COL4A3: variants seen among roughly 807,000 people sequenced by gnomAD.
COL4A3 encodes the protein collagen type IV alpha 3 chain, also known as collagen alpha-3(IV) chain.
COL4A3 carries 135 observed loss-of-function variants against 217.4 expected under a neutral mutation model. The observed-to-expected ratio is 0.62, with a 90% CI of 0.54 to 0.72. The LOEUF is 0.72. COL4A3 is among the 30% of genes least tolerant of loss of function. COL4A3 has a pLI of 0.00. For missense variants in COL4A3, 1,868 were observed against 2,119.9 expected (o/e 0.88, Z 2.33); for synonymous variants, 690 against 736.3 (o/e 0.94, Z 1.02).
chr2:227,237,064 A>G (rs1055232174), intron 1 of COL4A3, among the ~76,000 whole-genome samples: 3 of 152,202 alleles, frequency 2.0e-5, no homozygotes, highest in Non-Finnish European at 4.4e-5. Flanking sequence ...TGGAATGTGC[A>G]TAGGTGTGAG....
intron 33 of COL4A3, 122 bp downstream of exon 33, chr2:227,283,978 T>G (rs1190034898): frequency 4.8e-6 from 5 of 1,039,046 alleles, no homozygotes; most frequent in Non-Finnish European, 7.3e-6. Flanking sequence ...CAGTATTTGA[T>G]TTTGCTGTTT....
chr2:227,231,475 G>T (rs2068402050), intron 1 of COL4A3, among the ~76,000 whole-genome samples: 1 of 152,174 alleles, frequency 6.6e-6, no homozygotes, highest in Admixed American at 6.5e-5. Context: ...GGAGAATGGG[G>T]CATCCATCCC....
intron 1 of COL4A3, among the ~76,000 whole-genome samples, chr2:227,229,082 C>G (rs2068249626): frequency 6.6e-6 from 1 of 152,184 alleles, no homozygotes; most frequent in African/African-American, 2.4e-5. Flanking sequence ...GGAAGTACGT[C>G]TCTGGAACTG....
chr2:227,192,576 T>C (rs1431535559), intron 1 of COL4A3, among the ~76,000 whole-genome samples: 1 of 152,230 alleles, frequency 6.6e-6, no homozygotes, highest in East Asian at 1.9e-4. Flanking sequence ...ATGGTGGTTG[T>C]ATGGAGATCA....
chr2:227,203,064 CATATATGTGT>C (rs1205818146), intron 1 of COL4A3, among the ~76,000 whole-genome samples: 5 of 8,438 alleles, frequency 5.9e-4, no homozygotes, highest in Admixed American at 1.3e-3. Flanking sequence ...TGTATATATA[CATATATGTGT>C]ATATATGTGT....
intron 50 of COL4A3, 64 bp from the exon 51 acceptor site, chr2:227,310,712 A>T: frequency 7.2e-7 from 1 of 1,379,644 alleles, no homozygotes; most frequent in Non-Finnish European, 1.0e-6. Context: ...AAAAAAAAGT[A>T]GAGAATTGAA....
chr2:227,165,032 G>C (rs2065179526), intron 1 of COL4A3, among the ~76,000 whole-genome samples: 1 of 152,194 alleles, frequency 6.6e-6, no homozygotes, highest in African/African-American at 2.4e-5. Context: ...TGGGGGAAGA[G>C]GCGAGGAGGG....
intron 34 of COL4A3, among the ~76,000 whole-genome samples, chr2:227,287,669 T>C (rs543987605): frequency 3.2e-4 from 48 of 152,364 alleles, no homozygotes; most frequent in African/African-American, 1.2e-3. Flanking sequence ...TTTTACTCTC[T>C]GGGAATCCTG....
chr2:227,300,086 G>C (rs72980000), intron 43 of COL4A3, among the ~76,000 whole-genome samples: 2,389 of 152,144 alleles, frequency 0.016, 28 homozygotes, highest in Non-Finnish European at 0.023. Context: ...TATCAGCCTT[G>C]CCTCTATACT....
intron 1 of COL4A3, among the ~76,000 whole-genome samples, chr2:227,184,153 C>T (rs540260665): frequency 6.6e-6 from 1 of 152,300 alleles, no homozygotes; most frequent in African/African-American, 2.4e-5. Context: ...CCTTCTGCCT[C>T]AGCCAAGAAG....
At chr2:227,292,404 C>G (rs2072796378) in intron 37 of COL4A3, among the ~76,000 whole-genome samples, 1 of 152,180 alleles carries the variant, frequency 6.6e-6, no homozygotes, top group Admixed American at 6.5e-5. Flanking sequence ...TTTGACTTCA[C>G]ACTCAATTAA....
At chr2:227,274,398 T>A (rs2071432093) in intron 26 of COL4A3, among the ~76,000 whole-genome samples, 1 of 152,090 alleles carries the variant, frequency 6.6e-6, no homozygotes, top group Non-Finnish European at 1.5e-5. Context: ...GTATGCATCA[T>A]TTCTGTCCAC....
chr2:227,248,547 T>G (rs1250287450), intron 9 of COL4A3, 27 bp downstream of exon 9: 1 of 1,510,040 alleles, frequency 6.6e-7, no homozygotes, highest in Non-Finnish European at 9.2e-7. Flanking sequence ...AAGGTCCCTA[T>G]TATTCTCAGT....
chr2:227,208,102 T>C (rs902156894), intron 1 of COL4A3, among the ~76,000 whole-genome samples: 2 of 150,240 alleles, frequency 1.3e-5, no homozygotes, highest in Non-Finnish European at 3.0e-5. Context: ...TAACCAACTC[T>C]ATTTTGCTTC....
At position 227,255,874 on chromosome 2, in the gene COL4A3, T is replaced by C. The variant is rs542340725; in HGVS notation, c.889-152T>C. 1.3e-4 allele frequency: 91 copies of C among 726,874 alleles called. 1 individual carries two copies. In the South Asian group the frequency reaches 1.3e-3, roughly 11 times the overall value. The allele number at this position is 726,874 out of a possible 1,614,324, so 45.0% of individuals were successfully genotyped here. A position where few individuals can be genotyped will look rare whatever the true frequency, so the allele number is the denominator to read the frequency against. On this transcript the variant is annotated intron_variant, in intron 15 of 51. Coordinates refer to ENST00000396578, the MANE Select transcript of COL4A3 (RefSeq NM_000091.5). ...GGGCCATTGTGTATTCTGTGGTTAA[T>C]AGTTTTTCCTTCTAACACCTGGGTG...
At chr2:227,238,331 T>C (rs2068817235) in intron 2 of COL4A3, among the ~76,000 whole-genome samples, 2 of 152,214 alleles carry the variant, frequency 1.3e-5, no homozygotes, top group South Asian at 4.1e-4. Context: ...GTATACACTA[T>C]TTACAATGTT....
intron 36 of COL4A3, 114 bp from the exon 37 acceptor site, chr2:227,290,633 T>C (rs1479995545): frequency 1.7e-5 from 15 of 893,634 alleles, no homozygotes; most frequent in Non-Finnish European, 2.3e-5. Context: ...CCTGATGCAG[T>C]TGCAATTCTG....
At chr2:227,300,695 G>A (rs554477248) in intron 43 of COL4A3, among the ~76,000 whole-genome samples, 1 of 152,178 alleles carries the variant, frequency 6.6e-6, no homozygotes, top group African/African-American at 2.4e-5. Flanking sequence ...TAAAGTGAGG[G>A]TGATAGACAC....
At chr2:227,238,101 GT>G in intron 2 of COL4A3, 77 bp downstream of exon 2, 1 of 933,664 alleles carries the variant, frequency 1.1e-6, no homozygotes. Context: ...TCTTTCATCG[GT>G]AGCAGAAAGA....
Sources: allele counts gnomAD v4.1 joint callset (sites outside exome capture counted in the v4.1 genomes callset), GRCh38; gene constraint gnomAD v4.1.1; transcripts MANE v1.5; gene names NCBI Gene and HGNC (gene_info 2026-07-23, HGNC 2026-07-21).